GLIS3: variants seen among roughly 807,000 people sequenced by gnomAD.
The protein encoded by GLIS3 is GLIS family zinc finger 3.
GLIS3 carries 53 observed loss-of-function variants against 78.6 expected under a neutral mutation model. That is an observed-to-expected ratio of 0.67 (90% CI 0.54 to 0.85). The LOEUF (loss-of-function observed/expected upper bound fraction) is 0.85, where lower values mean the gene tolerates loss of function less well. GLIS3 is among the 40% of genes least tolerant of loss of function. The probability of loss-of-function intolerance (pLI) is 0.00; values close to 1 mark genes in which losing one functional copy is unlikely to be tolerated. For missense variants in GLIS3, 1,703 were observed against 1,231.1 expected, an observed-to-expected ratio of 1.38 and a Z score of -5.74; for synonymous variants, 684 against 509.9, an observed-to-expected ratio of 1.34 and a Z score of -4.60.
In GLIS3 at chr9:4,012,419, C is replaced by A. The variant is rs142148981; in HGVS notation, c.1711-75230G>T. Among the ~76,000 whole-genome samples, 4 of 151,966 alleles carry A rather than the reference C, an allele frequency of 2.6e-5. No individual in the cohort carries two copies. The East Asian group carries it at 7.7e-4, about 29-fold the overall frequency. On this transcript the variant is annotated intron_variant, in intron 4 of 10. Transcript: ENST00000381971. ...GTGATGGTTATATGTCTTTTTTTAC[C>A]TGTATCAGGGGAAAAAAATAGACCC...
chr9:3,867,867 C>G (rs1165987787), intron 8 of GLIS3, among the ~76,000 whole-genome samples: 4 of 152,056 alleles, frequency 2.6e-5, no homozygotes, highest in Non-Finnish European at 5.9e-5. Context: ...TAGAGAGAAA[C>G]TGGTCCTCTC....
intron 2 of GLIS3, among the ~76,000 whole-genome samples, chr9:4,160,547 C>T (rs765778100): frequency 2.6e-5 from 4 of 152,198 alleles, no homozygotes; most frequent in African/African-American, 7.2e-5. Context: ...ACAGAATTCA[C>T]GAGCTGTCTT....
At chr9:3,879,659 C>A in intron 7 of GLIS3, 64 bp from the exon 8 acceptor site, 3 of 1,552,846 alleles carry the variant, frequency 1.9e-6, no homozygotes, top group East Asian at 2.3e-5. Flanking sequence ...TTTTAAATAC[C>A]GAAGCCTGAC....
chr9:4,315,309 C>A (rs1440112660), intron 2 of GLIS3, among the ~76,000 whole-genome samples: 1 of 152,132 alleles, frequency 6.6e-6, no homozygotes, highest in African/African-American at 2.4e-5. Flanking sequence ...TGCCTATCTC[C>A]TACACAAGAA....
At position 3,937,158 on chromosome 9, in the gene GLIS3, A is replaced by G. The variant is rs751605301; in HGVS notation, c.1742T>C (p.Leu581Pro). 1.9e-6 allele frequency: 3 copies of G among 1,614,192 alleles called. No homozygotes were observed. Among genetic ancestry groups the G allele is most frequent in the East Asian group, 2.2e-5 (1 of 44,886 alleles). ...CCGCAAGTGGATCTTGAGATTTTCA[A>G]GCCTTGAAAAGGCCTTCTCGCAACC... ...FEGCEKAFSR[L>P]ENLKIHLRSH... Residue 581 changes from leucine to proline, a missense_variant, in exon 5 of 11, where the codon CTT (leucine) becomes CCT (proline). Leu to Pro is a moderately conservative substitution (Grantham distance 98, BLOSUM62 -3). Coordinates refer to ENST00000381971, the MANE Select transcript of GLIS3 (RefSeq NM_001042413.2).
intron 2 of GLIS3, among the ~76,000 whole-genome samples, chr9:4,282,327 C>A (rs1827632676): frequency 6.6e-6 from 1 of 152,180 alleles, no homozygotes; most frequent in South Asian, 2.1e-4. Context: ...CTGGGCATTT[C>A]TATGAGGGTG....
intron 6 of GLIS3, among the ~76,000 whole-genome samples, chr9:3,920,609 G>T (rs1324967981): frequency 1.6e-5 from 2 of 127,814 alleles, no homozygotes; most frequent in Non-Finnish European, 3.2e-5. Context: ...AAAAGAACAG[G>T]TTTTTTTTTT....
At chr9:4,341,459 C>T (rs1202434123) in intron 2 of GLIS3, among the ~76,000 whole-genome samples, 1 of 152,214 alleles carries the variant, frequency 6.6e-6, no homozygotes, top group Non-Finnish European at 1.5e-5. Context: ...TCTCATTTCA[C>T]ATTCAAGGTC....
At chr9:4,249,004 A>G (rs202089960) in intron 2 of GLIS3, among the ~76,000 whole-genome samples, 2 of 152,170 alleles carry the variant, frequency 1.3e-5, no homozygotes, top group Non-Finnish European at 2.9e-5. Flanking sequence ...ATTTTGGTAC[A>G]AGTACCATGC....
intron 2 of GLIS3, among the ~76,000 whole-genome samples, chr9:4,266,700 T>C (rs942229593): frequency 6.6e-6 from 1 of 152,098 alleles, no homozygotes; most frequent in African/African-American, 2.4e-5. Flanking sequence ...TAATGATACA[T>C]AGTTATTTTA....
At chr9:4,350,449 G>C (rs1381314831), upstream of GLIS3, among the ~76,000 whole-genome samples, 2 of 152,130 alleles carry the variant, frequency 1.3e-5, no homozygotes, top group Non-Finnish European at 2.9e-5. Flanking sequence ...TCAAGTAATA[G>C]AAAATTTCTT....
At chr9:3,859,065 G>A (rs1190267906) in intron 8 of GLIS3, among the ~76,000 whole-genome samples, 1 of 152,172 alleles carries the variant, frequency 6.6e-6, no homozygotes, top group Non-Finnish European at 1.5e-5. Flanking sequence ...AGAAGATGAA[G>A]AGAGAGTCTT....
chr9:4,314,189 A>G (rs1189805856), intron 2 of GLIS3, among the ~76,000 whole-genome samples: 1 of 152,240 alleles, frequency 6.6e-6, no homozygotes, highest in African/African-American at 2.4e-5. Flanking sequence ...TAATATTTAT[A>G]AAATGTGTGA....
the GLIS3 span, among the ~76,000 whole-genome samples, chr9:4,419,030 G>A: frequency 6.6e-6 from 1 of 152,172 alleles, no homozygotes; most frequent in Admixed American, 6.5e-5. Context: ...CTTGCAATCT[G>A]TCATTAAGCA....
At chr9:3,920,164 C>T (rs944776119) in intron 6 of GLIS3, among the ~76,000 whole-genome samples, 6 of 151,944 alleles carry the variant, frequency 3.9e-5, no homozygotes, top group East Asian at 1.9e-4. Context: ...CCACCACACC[C>T]GGCTAATTTT....
At chr9:4,032,186 A>G (rs1279061182) in intron 4 of GLIS3, among the ~76,000 whole-genome samples, 2 of 152,192 alleles carry the variant, frequency 1.3e-5, no homozygotes. Flanking sequence ...CCCTGAAACC[A>G]CAGACGTTCA....
At chr9:3,895,509 C>T (rs1162194763) in intron 7 of GLIS3, among the ~76,000 whole-genome samples, 2 of 152,190 alleles carry the variant, frequency 1.3e-5, no homozygotes, top group Admixed American at 6.5e-5. Context: ...TCATCCTCAG[C>T]ATGGCCTCAA....
At chr9:4,197,068 G>T (rs191144581) in intron 2 of GLIS3, among the ~76,000 whole-genome samples, 2 of 151,916 alleles carry the variant, frequency 1.3e-5, no homozygotes, top group Non-Finnish European at 2.9e-5. Context: ...AGATCTCCAA[G>T]TATTCAGAGC....
At chr9:4,429,509 C>G in the GLIS3 span, among the ~76,000 whole-genome samples, 3 of 152,206 alleles carry the variant, frequency 2.0e-5, no homozygotes, top group Non-Finnish European at 2.9e-5. Flanking sequence ...ATGCTCTCCA[C>G]AAGAGCCTTG....
Sources: allele counts gnomAD v4.1 joint callset (sites outside exome capture counted in the v4.1 genomes callset), GRCh38; gene constraint gnomAD v4.1.1; transcripts MANE v1.5; gene names NCBI Gene and HGNC (gene_info 2026-07-23, HGNC 2026-07-21).